The following ATF7 variants were observed in gnomAD, a reference collection of about 807,000 sequenced individuals.
The protein encoded by ATF7 is cyclic AMP-dependent transcription factor ATF-7.
Under a neutral mutation model 50.4 loss-of-function variants are expected in ATF7, and 10 were observed. That is an observed-to-expected ratio of 0.20 (90% confidence interval 0.12 to 0.34). The LOEUF is 0.34. Among genes scored for constraint, ATF7 ranks in the 10% least tolerant of loss-of-function variants. The pLI is 1.00. For missense variants in ATF7, 465 were observed against 613.9 expected, an observed-to-expected ratio of 0.76 and a Z score of 2.56; for synonymous variants, 201 against 226.4, an observed-to-expected ratio of 0.89 and a Z score of 1.01.
intron 8 of ATF7, 115 bp from the exon 9 acceptor site, chr12:53,532,011 TTCTCCCTTAACAGA>T: frequency 8.3e-7 from 1 of 1,209,124 alleles, no homozygotes. Flanking sequence ...TCCACTCTAG[TTCTCCCTTAACAGA>T]GGAATTAAGA....
Position 53,531,878 on chromosome 12 carries a change from T to A in ATF7, c.793A>T (p.Thr265Ser), listed in dbSNP as rs753617105. The A allele has an allele frequency of 1.2e-6, 2 of 1,613,428 alleles. No homozygotes were observed. Among genetic ancestry groups the A allele is most frequent in the Admixed American group, 3.3e-5 (2 of 59,948 alleles). Residue 265 changes from threonine (T) to serine (S), a missense_variant, in exon 9 of 12, where the codon ACT becomes TCT. By Grantham distance (58) the Thr-to-Ser change is moderately conservative. Coordinates refer to ENST00000420353, the MANE Select transcript of ATF7 (RefSeq NM_006856.3). ...CCATTGATTGAGGAGACTTGGTGAG[T>A]TAGGGTGGCTTTCAGTCTCTGTGGG... ...EAKMRLKATL[T>S]HQVSSINGGC...
At chr12:53,624,627 C>T (rs1170040787) in intron 1 of ATF7, among the ~76,000 whole-genome samples, 2 of 152,184 alleles carry the variant, frequency 1.3e-5, no homozygotes, top group South Asian at 2.1e-4. Context: ...TGTTACATTT[C>T]GCAAGAGCCT....
intron 1 of ATF7, among the ~76,000 whole-genome samples, chr12:53,613,158 T>C (rs1460373332): frequency 6.6e-6 from 1 of 152,254 alleles, no homozygotes; most frequent in African/African-American, 2.4e-5. Flanking sequence ...TATGAAACTA[T>C]CACTTTTCAG....
At chr12:53,610,702 T>C (rs1053956958) in intron 1 of ATF7, among the ~76,000 whole-genome samples, 1 of 152,212 alleles carries the variant, frequency 6.6e-6, no homozygotes, top group Non-Finnish European at 1.5e-5. Context: ...GCTTATTATA[T>C]ATAAACATGT....
At chr12:53,625,307 A>G (rs924686086) in intron 1 of ATF7, among the ~76,000 whole-genome samples, 1 of 152,146 alleles carries the variant, frequency 6.6e-6, no homozygotes, top group Non-Finnish European at 1.5e-5. Context: ...AAATCAGAGA[A>G]GCGATGAAAG....
intron 2 of ATF7, among the ~76,000 whole-genome samples, chr12:53,577,877 C>CA (rs1031435289): frequency 6.6e-6 from 1 of 151,918 alleles, no homozygotes; most frequent in African/African-American, 2.4e-5. Flanking sequence ...AACAAACAAA[C>CA]AAACAAAAAA....
Position 53,537,498 on chromosome 12 carries a change from T to C in ATF7, c.319A>G (p.Lys107Glu). The C allele has an allele frequency of 2.5e-6, 4 of 1,613,696 alleles. No individual in the cohort carries two copies. The highest frequency in any genetic ancestry group is 1.1e-5 in the South Asian group (1 of 91,058). ...TCTACCTCCACTGGCTCTTCTTCTT[T>C]GATTTTGATGTCTGGTGTGGAAGGC... ...SLPSTPDIKIKEEEPVEVDSS... is the reference protein window; with the variant it reads ...SLPSTPDIKIEEEEPVEVDSS... The change falls in exon 5 of 12, where the codon AAA (lysine) becomes GAA (glutamate). Residue 107 changes from lysine to glutamate, a missense_variant. Lys to Glu is a moderately conservative substitution (Grantham distance 56, BLOSUM62 1). Transcript: ENST00000420353.
At chr12:53,566,921 T>C (rs187503162) in intron 2 of ATF7, among the ~76,000 whole-genome samples, 225 of 152,252 alleles carry the variant, frequency 1.5e-3, no homozygotes, top group Middle Eastern at 3.4e-3. Context: ...GCCCAGCTAA[T>C]TTTTGTATTT....
intron 4 of ATF7, chr12:53,543,112 T>C: frequency 7.1e-7 from 1 of 1,416,148 alleles, no homozygotes; most frequent in Non-Finnish European, 9.2e-7. Flanking sequence ...AGAGGACTAA[T>C]TTTCGGTGAC....
chr12:53,590,732 C>T (rs1402618666), intron 2 of ATF7, among the ~76,000 whole-genome samples: 1 of 152,266 alleles, frequency 6.6e-6, no homozygotes, highest in African/African-American at 2.4e-5. Flanking sequence ...AATTTCCTCT[C>T]CCCATTTTTT....
chr12:53,580,514 A>C (rs890671449), intron 2 of ATF7, among the ~76,000 whole-genome samples: 1 of 151,110 alleles, frequency 6.6e-6, no homozygotes, highest in African/African-American at 2.4e-5. Context: ...AATACAAAAA[A>C]TTAGCTGGGC....
chr12:53,541,087 A>G (rs780830878), intron 4 of ATF7, among the ~76,000 whole-genome samples: 1 of 152,164 alleles, frequency 6.6e-6, no homozygotes, highest in African/African-American at 2.4e-5. Flanking sequence ...ATAGAAATCT[A>G]TGGAACTTGG....
At chr12:53,626,189 G>T (rs1002909316) in intron 1 of ATF7, 90 bp downstream of exon 1, 2 of 153,184 alleles carry the variant, frequency 1.3e-5, no homozygotes, top group African/African-American at 4.8e-5. Flanking sequence ...GACTGGGAGG[G>T]GAGACCCCAG....
intron 2 of ATF7, among the ~76,000 whole-genome samples, chr12:53,563,218 A>C (rs894462211): frequency 3.3e-5 from 5 of 152,152 alleles, no homozygotes; most frequent in African/African-American, 9.7e-5. Context: ...ATCTTCAGTG[A>C]TCTATCTTTC....
Position 53,532,639 on chromosome 12 carries a change from G to T in ATF7, c.661-16C>A. On this transcript the variant is annotated splice_polypyrimidine_tract_variant and intron_variant, in intron 7 of 11. Transcript: ENST00000420353. ...GTCTGGCCAGCTGGATCGAGAGAAGGAAAAAAAAAAAAAGAGAAGGGAACA... is the reference window on the plus strand; with the variant it reads ...GTCTGGCCAGCTGGATCGAGAGAAGTAAAAAAAAAAAAAGAGAAGGGAACA... 3.3e-6 allele frequency: 4 copies of T among 1,206,934 alleles called. No homozygotes were observed. The highest frequency in any genetic ancestry group is 4.6e-6 in the Non-Finnish European group (4 of 874,564). 74.8% of individuals were successfully genotyped at this position (1,206,934 alleles called of 1,614,324 possible).
downstream of ATF7, among the ~76,000 whole-genome samples, chr12:53,509,283 C>T (rs1458631128): frequency 2.0e-5 from 3 of 152,104 alleles, no homozygotes; most frequent in African/African-American, 7.2e-5. Flanking sequence ...ATCCTCAAAA[C>T]GTTAGCTGTG....
intron 2 of ATF7, among the ~76,000 whole-genome samples, chr12:53,590,177 C>T (rs1055908596): frequency 2.6e-5 from 4 of 152,202 alleles, no homozygotes; most frequent in Non-Finnish European, 4.4e-5. Flanking sequence ...AGCCAGTCCA[C>T]ATCTGTGATC....
At chr12:53,588,923 A>C (rs1020193402) in intron 2 of ATF7, among the ~76,000 whole-genome samples, 1 of 152,122 alleles carries the variant, frequency 6.6e-6, no homozygotes, top group Non-Finnish European at 1.5e-5. Context: ...TTTTCATAAG[A>C]ATTTACACCT....
At chr12:53,562,822 T>C (rs774353929) in intron 2 of ATF7, among the ~76,000 whole-genome samples, 1 of 151,586 alleles carries the variant, frequency 6.6e-6, no homozygotes, top group Non-Finnish European at 1.5e-5. Flanking sequence ...AAGAAACAAA[T>C]AGAATTTCAA....
Sources: allele counts gnomAD v4.1 joint callset (sites outside exome capture counted in the v4.1 genomes callset), GRCh38; gene constraint gnomAD v4.1.1; transcripts MANE v1.5; gene names NCBI Gene and HGNC (gene_info 2026-07-23, HGNC 2026-07-21).